The following SEL1L2 variants were observed in gnomAD, a reference collection of about 807,000 sequenced individuals.
SEL1L2 encodes SEL1L2 adaptor subunit of SYVN1 ubiquitin ligase.
Under a neutral mutation model 98.8 loss-of-function variants are expected in SEL1L2, and 89 were observed. That is an observed-to-expected ratio of 0.90 (90% CI 0.76 to 1.07). The LOEUF (loss-of-function observed/expected upper bound fraction) is 1.07. Among genes scored for constraint, SEL1L2 ranks in the 50% least tolerant of loss-of-function variants. The probability of loss-of-function intolerance (pLI) is 0.00; values close to 1 mark genes in which losing one functional copy is unlikely to be tolerated. For synonymous variants in SEL1L2, 262 were observed against 278.5 expected, an observed-to-expected ratio of 0.94 and a Z score of 0.59; for missense variants, 788 against 812.0, an observed-to-expected ratio of 0.97 and a Z score of 0.36.
chr20:13,913,972 G>T, intron 4 of SEL1L2, 28 bp from the exon 5 acceptor site: 3 of 1,535,844 alleles, frequency 2.0e-6, no homozygotes, highest in Non-Finnish European at 2.6e-6. Flanking sequence ...AGTCAAGTTT[G>T]ATTTTCAAAA....
intron 12 of SEL1L2, among the ~76,000 whole-genome samples, chr20:13,875,318 T>A (rs2046383631): frequency 6.6e-6 from 1 of 152,230 alleles, no homozygotes. Context: ...TTGCCCAGGC[T>A]GGTCTCAAAC....
intron 11 of SEL1L2, 113 bp downstream of exon 11, chr20:13,877,407 C>T (rs2147914561): frequency 1.3e-6 from 1 of 764,914 alleles, no homozygotes; most frequent in Non-Finnish European, 2.2e-6. Flanking sequence ...GCTCAATGAT[C>T]TTTCCACCTC....
intron 1 of SEL1L2, among the ~76,000 whole-genome samples, chr20:13,970,785 T>C (rs1213214516): frequency 1.3e-5 from 2 of 152,012 alleles, no homozygotes; most frequent in African/African-American, 2.4e-5. Flanking sequence ...TAGGCCAAGG[T>C]TGTGCCATTG....
chr20:13,860,199 T>C (rs978984145), intron 17 of SEL1L2, among the ~76,000 whole-genome samples: 1 of 152,298 alleles, frequency 6.6e-6, no homozygotes, highest in Admixed American at 6.5e-5. Flanking sequence ...GCATCTTCTA[T>C]GAACAAAAAT....
intron 3 of SEL1L2, among the ~76,000 whole-genome samples, chr20:13,921,739 A>C (rs966528840): frequency 6.6e-6 from 1 of 152,200 alleles, no homozygotes; most frequent in Non-Finnish European, 1.5e-5. Flanking sequence ...ACCGTTTTTC[A>C]AATTTTTCAT....
chr20:13,899,015 T>C (rs2047549485), intron 5 of SEL1L2, among the ~76,000 whole-genome samples: 1 of 152,232 alleles, frequency 6.6e-6, no homozygotes, highest in Non-Finnish European at 1.5e-5. Flanking sequence ...GTGCTGGGAT[T>C]ACAGGCATGA....
chr20:13,958,703 G>A (rs1384290226), intron 1 of SEL1L2, among the ~76,000 whole-genome samples: 1 of 151,838 alleles, frequency 6.6e-6, no homozygotes, highest in Admixed American at 6.6e-5. Context: ...TTGGGAGGCC[G>A]AGGTGGTCAG....
chr20:13,906,724 G>A (rs1487894356), intron 5 of SEL1L2, among the ~76,000 whole-genome samples: 1 of 152,120 alleles, frequency 6.6e-6, no homozygotes, highest in East Asian at 1.9e-4. Flanking sequence ...TGTCACCCAG[G>A]CTGGAGTGCA....
intron 2 of SEL1L2, among the ~76,000 whole-genome samples, chr20:13,952,987 CCT>C (rs1181456956): frequency 6.6e-6 from 1 of 152,116 alleles, no homozygotes; most frequent in Admixed American, 6.5e-5. Flanking sequence ...CTTTTTTCCT[CCT>C]CTTTCCTCTC....
chr20:13,888,804 A>T (rs866742550), intron 5 of SEL1L2, among the ~76,000 whole-genome samples: 22 of 135,024 alleles, frequency 1.6e-4, no homozygotes, highest in South Asian at 2.5e-4. Context: ...ACGCCCCGCT[A>T]TTTTTTTTTT....
At chr20:13,893,852 A>T (rs563900115) in intron 5 of SEL1L2, among the ~76,000 whole-genome samples, 2 of 152,362 alleles carry the variant, frequency 1.3e-5, no homozygotes, top group African/African-American at 4.8e-5. Context: ...CAATGGAATG[A>T]AACTAGAAAT....
chr20:13,936,194 TGAAA>T (rs1473059742), intron 2 of SEL1L2, among the ~76,000 whole-genome samples: 1 of 152,156 alleles, frequency 6.6e-6, no homozygotes, highest in Non-Finnish European at 1.5e-5. Context: ...ATTATGACAT[TGAAA>T]GAGATCTGAC....
intron 10 of SEL1L2, among the ~76,000 whole-genome samples, chr20:13,883,159 C>G (rs1341170260): frequency 2.0e-5 from 3 of 148,596 alleles, no homozygotes; most frequent in Non-Finnish European, 4.4e-5. Flanking sequence ...CTGGAGTTCT[C>G]CATTCAAGTT....
intron 5 of SEL1L2, among the ~76,000 whole-genome samples, chr20:13,893,231 G>A (rs778248539): frequency 3.4e-4 from 52 of 151,984 alleles, no homozygotes; most frequent in Non-Finnish European, 4.3e-4. Flanking sequence ...GTCACACTTC[G>A]ATTTTGCACT....
intron 1 of SEL1L2, among the ~76,000 whole-genome samples, chr20:13,981,829 C>T (rs929515262): frequency 6.6e-6 from 1 of 152,180 alleles, no homozygotes; most frequent in African/African-American, 2.4e-5. Flanking sequence ...GTTACAGGTA[C>T]AACATGAAAG....
intron 2 of SEL1L2, among the ~76,000 whole-genome samples, chr20:13,932,665 A>G (rs190523461): frequency 5.6e-4 from 85 of 152,212 alleles, no homozygotes; most frequent in African/African-American, 1.9e-3. Flanking sequence ...TTCTGACCTC[A>G]GGTGATCTGC....
chr20:13,896,518 C>G (rs1299519809), intron 5 of SEL1L2, among the ~76,000 whole-genome samples: 1 of 143,054 alleles, frequency 7.0e-6, no homozygotes, highest in African/African-American at 2.6e-5. Context: ...CCCCCCCCCC[C>G]ACACACAAAA....
intron 3 of SEL1L2, among the ~76,000 whole-genome samples, chr20:13,922,696 C>T (rs1269130688): frequency 5.9e-5 from 9 of 152,152 alleles, no homozygotes; most frequent in Admixed American, 5.9e-4. Context: ...ATATTCACCT[C>T]GCTCACTTGT....
chr20:13,888,633 C>CTA (rs2047063339), intron 5 of SEL1L2, 121 bp from the exon 6 acceptor site: 21 of 232,068 alleles, frequency 9.0e-5, no homozygotes, highest in Non-Finnish European at 1.1e-4. Context: ...TTCTTTCTTT[C>CTA]TCTTTTTTTT....
Sources: gnomAD v4.1 joint callset for allele counts (sites outside exome capture counted in the v4.1 genomes callset) on GRCh38, gnomAD v4.1.1 for gene constraint, MANE v1.5 for transcripts, NCBI Gene and HGNC (gene_info 2026-07-23, HGNC 2026-07-21) for gene names.